The following MRPL4 variants were observed in gnomAD, a reference collection of about 807,000 sequenced individuals.
The protein encoded by MRPL4 is mitochondrial ribosomal protein L4.
A neutral mutation model predicts 34.1 loss-of-function variants in MRPL4; 34 were observed. The ratio of observed to expected loss-of-function variants is 1.00; its 90% CI spans 0.76 to 1.33. The LOEUF is 1.33. Ranked by LOEUF, MRPL4 falls within the 40% of genes most tolerant of loss-of-function variation. The pLI is 0.00. For synonymous variants in MRPL4, 196 were observed against 188.3 expected (o/e 1.04, Z -0.33); for missense variants, 402 against 434.6 (o/e 0.92, Z 0.67).
At chr19:10,254,178 C>G (rs1243774277) in intron 3 of MRPL4, among the ~76,000 whole-genome samples, 2 of 152,098 alleles carry the variant, frequency 1.3e-5, no homozygotes, top group African/African-American at 4.8e-5. Flanking sequence ...ACCACCGTGC[C>G]CAGCTAATCT....
chr19:10,252,739 G>A (rs778857944), intron 3 of MRPL4, 38 bp downstream of exon 3: 1 of 1,580,242 alleles, frequency 6.3e-7, no homozygotes, highest in Non-Finnish European at 8.6e-7. Flanking sequence ...AGTGGCAGAG[G>A]GATGAAGAGC....
chr19:10,254,685 G>T, intron 4 of MRPL4, 45 bp downstream of exon 4: 1 of 1,610,114 alleles, frequency 6.2e-7, no homozygotes, highest in Non-Finnish European at 8.5e-7. Flanking sequence ...AGCTTCCTGG[G>T]GAGGTTGGGG....
upstream of MRPL4, chr19:10,252,012 C>G: frequency 1.9e-6 from 1 of 530,122 alleles, no homozygotes; most frequent in South Asian, 2.7e-5. Flanking sequence ...GCTGTGAGGT[C>G]GCGTTCCCCA....
rs191947106 is a variant in MRPL4 at position 10,259,209 on chromosome 19, C to T, written c.740-408C>T. On this transcript the variant is annotated intron_variant, in intron 8 of 8. Transcript: ENST00000253099. ...GACATGAGCCTAAGTCAAGTCCTGT[C>T]CCTCAACCCACGCCCCTCGCTGGCT... The T allele has an allele frequency of 1.3e-4, 167 of 1,323,416 alleles. 1 individual carries two copies. In the African/African-American group the frequency reaches 2.4e-3, roughly 19 times the overall value. 82.0% of individuals were successfully genotyped at this position (1,323,416 alleles called of 1,614,324 possible). A position where few individuals can be genotyped will look rare whatever the true frequency, so the allele number is the denominator to read the frequency against.
At position 10,258,303 on chromosome 19, in the gene MRPL4, T is replaced by A; in HGVS notation, c.527T>A (p.Val176Glu). Residue 176 changes from valine to glutamate, a missense_variant, in exon 6 of 9, where the codon GTG becomes GAG. Coordinates refer to ENST00000253099, the MANE Select transcript of MRPL4 (RefSeq NM_015956.3). ...AAGGTGCGGGCGCTGGGTCTCAAAG[T>A]GGCACTGACCGTCAAGCTGGCCCAG... ...PMKVRALGLK[V>E]ALTVKLAQDD... The A allele has an allele frequency of 6.2e-7, 1 of 1,614,046 alleles. No individual in the cohort carries two copies. The highest frequency in any genetic ancestry group is 8.5e-7 in the Non-Finnish European group (1 of 1,179,994).
Position 10,259,689 on chromosome 19 carries a change from A to G in MRPL4, c.812A>G (p.Asp271Gly). The change falls in exon 9 of 9, where the codon GAC (aspartate) becomes GGC (glycine). Residue 271 changes from aspartate to glycine, a missense_variant. Physicochemically the swap from Asp to Gly is moderately conservative, Grantham distance 94. Transcript: ENST00000253099. ...LTLPTVAFLE[D>G]KLLWQDSRYR... ...CTGCCCACCGTCGCCTTCCTGGAGG[A>G]CAAGCTGCTCTGGCAGGACTCACGT... 6.2e-7 allele frequency: 1 copy of G among 1,608,016 alleles called. No homozygotes were observed. Among genetic ancestry groups the G allele is most frequent in the Non-Finnish European group, 8.5e-7 (1 of 1,178,750 alleles).
In MRPL4 at chr19:10,258,964, G is replaced by T. The variant is rs2039879964; in HGVS notation, c.739+279G>T. The T allele has an allele frequency of 2.8e-6, 4 of 1,415,294 alleles. No homozygotes were observed. In the African/African-American group the frequency reaches 5.8e-5, roughly 20 times the overall value. The allele number at this position is 1,415,294 out of a possible 1,614,324, so 87.7% of individuals were successfully genotyped here. On this transcript the variant is annotated intron_variant, in intron 8 of 8. Coordinates refer to ENST00000253099, the MANE Select transcript of MRPL4 (RefSeq NM_015956.3). ...ACTAAAAATAAAAAAGTTAGGCGTG[G>T]CGATGTGCACCTGTAGTCCCAGCTA...
chr19:10,253,036 C>T (rs1276128459), intron 3 of MRPL4: 3 of 294,686 alleles, frequency 1.0e-5, no homozygotes, highest in Admixed American at 9.1e-5. Flanking sequence ...TTAATTCTGG[C>T]ACATAATAAG....
intron 3 of MRPL4, among the ~76,000 whole-genome samples, chr19:10,254,174 G>A (rs1002134627): frequency 1.3e-5 from 2 of 151,970 alleles, no homozygotes; most frequent in Non-Finnish European, 2.9e-5. Context: ...ATGTACCACC[G>A]TGCCCAGCTA....
chr19:10,253,782 A>T (rs1249455729), intron 3 of MRPL4, among the ~76,000 whole-genome samples: 2 of 128,556 alleles, frequency 1.6e-5, no homozygotes, highest in Admixed American at 8.2e-5. Context: ...ACAGAGACAG[A>T]CTCCATCTCA....
chr19:10,252,064 T>A (rs891696293), upstream of MRPL4: 3 of 627,088 alleles, frequency 4.8e-6, no homozygotes, highest in African/African-American at 5.9e-5. Flanking sequence ...AAATTGGGTC[T>A]GGGGGTTAGT....
rs1452454416 is a variant in MRPL4, at chr19:10,258,871, C to A, written c.739+186C>A. ...AAGTGCTTGGCTGGGGATGGTGGCT[C>A]ACGCTTGTAATCCCAGTACTTTGGG... On this transcript the variant is annotated intron_variant, in intron 8 of 8. Transcript: ENST00000253099. The A allele has an allele frequency of 6.0e-6, 9 of 1,507,498 alleles. No homozygotes were observed. In the East Asian group the frequency reaches 1.4e-4, roughly 24 times the overall value. The allele number at this position is 1,507,498 out of a possible 1,614,324, so 93.4% of individuals were successfully genotyped here. A position where few individuals can be genotyped will look rare whatever the true frequency, so the allele number is the denominator to read the frequency against.
chr19:10,252,341 G>T, intron 1 of MRPL4, 31 bp downstream of exon 1: 1 of 1,612,974 alleles, frequency 6.2e-7, no homozygotes, highest in Non-Finnish European at 8.5e-7. Flanking sequence ...CGTGGTCGAA[G>T]GATGAAATTT....
intron 4 of MRPL4, 186 bp downstream of exon 4, chr19:10,254,826 A>T: frequency 2.0e-6 from 1 of 498,024 alleles, no homozygotes; most frequent in Non-Finnish European, 3.6e-6. Flanking sequence ...TGAGATGGAG[A>T]TGGAGTCTCA....
chr19:10,256,843 A>T lies in MRPL4; in HGVS notation c.445+18A>T. ...GCGAGGAGGTAACAGGACAGGGTGGAGGGGGCGGGGAGGGGTGGGGGGGCC... is the reference window on the plus strand; with the variant it reads ...GCGAGGAGGTAACAGGACAGGGTGGTGGGGGCGGGGAGGGGTGGGGGGGCC... On this transcript the variant is annotated intron_variant, in intron 5 of 8. Coordinates refer to ENST00000253099, the MANE Select transcript of MRPL4 (RefSeq NM_015956.3). 8 of 48,084 alleles carry T rather than the reference A, an allele frequency of 1.7e-4. No individual in the cohort carries two copies. The highest frequency in any genetic ancestry group is 4.9e-4 in the African/African-American group (1 of 2,054). The allele number at this position is 48,084 out of a possible 1,614,324, so 3.0% of individuals were successfully genotyped here.
Position 10,259,893 on chromosome 19 carries a change from G to T in MRPL4, c.*80G>T, listed in dbSNP as rs1439014435. 4.6e-6 allele frequency: 6 copies of T among 1,299,010 alleles called. No individual in the cohort carries two copies. The East Asian group carries it at 9.9e-5, about 22-fold the overall frequency. 80.5% of individuals were successfully genotyped at this position (1,299,010 alleles called of 1,614,324 possible). A position where few individuals can be genotyped will look rare whatever the true frequency, so the allele number is the denominator to read the frequency against. On this transcript the variant is annotated 3_prime_UTR_variant, in exon 9 of 9. Transcript: ENST00000253099. Reference sequence around the variant, plus strand: ...GGCCCACGCCCACCCTTCGAGGAAGGTGTCACCTGGACCCCTTCATTCCAC... The same window carrying T: ...GGCCCACGCCCACCCTTCGAGGAAGTTGTCACCTGGACCCCTTCATTCCAC...
chr19:10,252,187 T>G, upstream of MRPL4: 1 of 1,483,680 alleles, frequency 6.7e-7, no homozygotes, highest in East Asian at 2.5e-5. Context: ...GTGCGTGACG[T>G]CATCCAGCGG....
At chr19:10,258,761 C>T in intron 8 of MRPL4, 76 bp downstream of exon 8, 1 of 1,612,806 alleles carries the variant, frequency 6.2e-7, no homozygotes, top group African/African-American at 1.3e-5. Context: ...TCAAATCCGG[C>T]ATCTGGTCGC....
Position 10,252,601 on chromosome 19 carries a change from C to T in MRPL4, c.175C>T (p.Arg59Ter), listed in dbSNP as rs759110680. ...RKVELPVPTH[R>*]RPVQAWVESL... ...AGTCGAGCTCCCGGTACCCACTCAT[C>T]GACGCCCAGTGCAGGCCTGGGTCGA... The change falls in exon 3 of 9, where the codon CGA (arginine) becomes TGA (stop). Residue 59 changes from arginine to a stop codon, truncating the protein, a stop_gained. Coordinates refer to ENST00000253099, the MANE Select transcript of MRPL4 (RefSeq NM_015956.3). LOFTEE classifies it high-confidence loss of function. 21 of 1,612,682 alleles carry T rather than the reference C, an allele frequency of 1.3e-5. No individual in the cohort carries two copies. The highest frequency in any genetic ancestry group is 1.8e-5 in the Non-Finnish European group (21 of 1,179,814).
Sources: gnomAD v4.1 joint callset for allele counts (sites outside exome capture counted in the v4.1 genomes callset) on GRCh38, gnomAD v4.1.1 for gene constraint, MANE v1.5 for transcripts, NCBI Gene and HGNC (gene_info 2026-07-23, HGNC 2026-07-21) for gene names.